The following NIBAN3 variants were observed in gnomAD, a reference collection of about 807,000 sequenced individuals.
NIBAN3 encodes the protein protein Niban 3.
In NIBAN3, 66 loss-of-function variants were observed where a neutral mutation model predicts 76.4. The ratio of observed to expected loss-of-function variants is 0.86; its 90% CI spans 0.71 to 1.06. The LOEUF (loss-of-function observed/expected upper bound fraction) is 1.06, where lower values mean the gene tolerates loss of function less well. Among genes scored for constraint, NIBAN3 ranks in the 50% least tolerant of loss-of-function variants. The probability of loss-of-function intolerance (pLI) is 0.00; values close to 1 mark genes in which losing one functional copy is unlikely to be tolerated. For synonymous variants in NIBAN3, 360 were observed against 355.2 expected (o/e 1.01, Z -0.15); for missense variants, 808 against 810.7 (o/e 1.00, Z 0.04).
upstream of NIBAN3, among the ~76,000 whole-genome samples, chr19:17,525,428 A>G (rs559117425): frequency 2.7e-3 from 416 of 152,316 alleles, 4 homozygotes; most frequent in African/African-American, 9.3e-3. Context: ...TGCCAGGCAC[A>G]AAACAGGTGA....
intron 5 of NIBAN3, among the ~76,000 whole-genome samples, chr19:17,537,744 G>A (rs1258344446): frequency 6.6e-6 from 1 of 152,050 alleles, no homozygotes; most frequent in East Asian, 1.9e-4. Flanking sequence ...TCAGGAGTTC[G>A]AGACCAGCCT....
chr19:17,535,558 G>C (rs1483035759), intron 4 of NIBAN3, among the ~76,000 whole-genome samples: 2 of 152,114 alleles, frequency 1.3e-5, no homozygotes, highest in African/African-American at 4.8e-5. Flanking sequence ...TCCCAGCCTG[G>C]CCAACATGGC....
intron 9 of NIBAN3, among the ~76,000 whole-genome samples, chr19:17,540,816 C>T (rs1416814186): frequency 6.6e-6 from 1 of 152,214 alleles, no homozygotes; most frequent in Non-Finnish European, 1.5e-5. Context: ...TCACTGCAGC[C>T]TCGACCTCCC....
intron 4 of NIBAN3, 44 bp from the exon 5 acceptor site, chr19:17,537,332 A>G (rs1469105185): frequency 1.9e-6 from 3 of 1,589,288 alleles, no homozygotes; most frequent in Non-Finnish European, 2.6e-6. Context: ...ATTTTCTCCT[A>G]GTGAATGAAC....
At chr19:17,527,156 G>A, upstream of NIBAN3, 1 of 1,487,934 alleles carries the variant, frequency 6.7e-7, no homozygotes, top group Non-Finnish European at 9.1e-7. Flanking sequence ...GAAACCACTG[G>A]CTCTGGGCAA....
chr19:17,534,664 A>G (rs548300813), intron 4 of NIBAN3, among the ~76,000 whole-genome samples: 4,531 of 151,798 alleles, frequency 0.03, 86 homozygotes, highest in Non-Finnish European at 0.046. Flanking sequence ...GGTGGCGGGC[A>G]CCTGTAGTCC....
chr19:17,543,332 G>A lies in NIBAN3; in HGVS notation c.1345G>A (p.Val449Met), dbSNP rs758503031. ...CCTCCCACAGCTCATGGCTGACGCC[G>A]TGGCCACCTTCCTGCAGCTGGCTGA... ...DLAQQLMADA[V>M]ATFLQLADQC... Residue 449 changes from valine to methionine, a missense_variant, in exon 11 of 15, where the codon GTG (valine) becomes ATG (methionine). Val to Met is a conservative substitution (Grantham distance 21, BLOSUM62 1). Transcript: ENST00000599164. The A allele has an allele frequency of 2.9e-5, 45 of 1,567,530 alleles. No individual in the cohort carries two copies. The highest frequency in any genetic ancestry group is 2.5e-4 in the Admixed American group (14 of 56,166).
intron 1 of NIBAN3, among the ~76,000 whole-genome samples, chr19:17,528,583 G>C (rs1211707371): frequency 6.6e-6 from 1 of 152,100 alleles, no homozygotes; most frequent in Non-Finnish European, 1.5e-5. Flanking sequence ...CCCAATTTGA[G>C]ACTAAGAGGG....
Position 17,539,437 on chromosome 19 carries a change from TG to T in NIBAN3, c.805del (p.Ala269ProfsTer6). The T allele has an allele frequency of 6.7e-7, 1 of 1,498,396 alleles. No homozygotes were observed. 92.8% of individuals were successfully genotyped at this position (1,498,396 alleles called of 1,614,324 possible). On this transcript the variant is annotated frameshift_variant, in exon 7 of 15. Coordinates refer to ENST00000599164, the MANE Select transcript of NIBAN3 (RefSeq NM_001321827.2). LOFTEE classifies it high-confidence loss of function. ...GCGGGGGGCAGGCCGCGCCCGCGCC[TG>T]GGCCTGGACCGAGGTATGCACGGCG... is the stretch of plus-strand genomic sequence containing the variant. Reference protein sequence around the residue: ...GLRGAGRARAWAWTELLDAVH... With the variant: ...GLRGAGRARAXAWTELLDAVH...
rs1177168440 is a variant in NIBAN3, at chr19:17,553,194, T to C, written c.*1296T>C. ...CTACTTTTCAGGAGTGTTTGCATTT[T>C]TCTTATTGATATCTAATAACTCTTT... On this transcript the variant is annotated 3_prime_UTR_variant, in exon 15 of 15. Transcript: ENST00000599164. The C allele has an allele frequency of 3.4e-6, 5 of 1,468,142 alleles. No individual in the cohort carries two copies. The East Asian group carries it at 1.1e-4, about 34-fold the overall frequency. The allele number at this position is 1,468,142 out of a possible 1,614,324, so 90.9% of individuals were successfully genotyped here.
In NIBAN3 at chr19:17,546,772, G is replaced by C; in HGVS notation, c.1641G>C (p.Gly547=). Residue 547 remains glycine (G), a synonymous_variant, in exon 13 of 15, where the codon GGG becomes GGC. Coordinates refer to ENST00000599164, the MANE Select transcript of NIBAN3 (RefSeq NM_001321827.2). ...GCATCTATGAGGACGTCATCCGGGGGTGCTTGCTGCAGAGGATTGACCAAG... is the reference window on the plus strand; with the variant it reads ...GCATCTATGAGGACGTCATCCGGGGCTGCTTGCTGCAGAGGATTGACCAAG... ...TEGIYEDVIR[G]CLLQRIDQEL... The C allele has an allele frequency of 1.2e-6, 2 of 1,602,830 alleles. No individual in the cohort carries two copies. The highest frequency in any genetic ancestry group is 2.3e-5 in the East Asian group (1 of 44,438).
At chr19:17,549,555 A>G (rs1016526927) in intron 14 of NIBAN3, 28 bp downstream of exon 14, 4 of 1,560,394 alleles carry the variant, frequency 2.6e-6, no homozygotes, top group Middle Eastern at 1.7e-4. Context: ...CTTCTGAAAC[A>G]TGCCAGTGAT....
chr19:17,540,518 A>G lies in NIBAN3; in HGVS notation c.1106A>G (p.Gln369Arg), dbSNP rs1739765025. The G allele has an allele frequency of 1.3e-6, 2 of 1,594,832 alleles. No individual in the cohort carries two copies. Among genetic ancestry groups the G allele is most frequent in the Non-Finnish European group, 1.7e-6 (2 of 1,171,004 alleles). ...SLEAVRTLLA[Q>R]GMDRLSHRLR... is the part of the protein sequence containing the mutation. Reference sequence around the variant, plus strand: ...GAGGCGGTGCGGACCCTCCTGGCTCAAGGCATGGACCGACTGTCCCACCGC... The same window carrying G: ...GAGGCGGTGCGGACCCTCCTGGCTCGAGGCATGGACCGACTGTCCCACCGC... The change falls in exon 9 of 15, where the codon CAA becomes CGA. Residue 369 changes from glutamine (Q) to arginine (R), a missense_variant. Coordinates refer to ENST00000599164, the MANE Select transcript of NIBAN3 (RefSeq NM_001321827.2).
At chr19:17,540,056 C>T (rs1168109848) in intron 8 of NIBAN3, 3 of 234,320 alleles carry the variant, frequency 1.3e-5, no homozygotes, top group East Asian at 1.6e-4. Context: ...GGGGCCTCAG[C>T]GGGGGATAGG....
At chr19:17,523,406 C>A, upstream of NIBAN3, 1 of 1,544,984 alleles carries the variant, frequency 6.5e-7, no homozygotes, top group Non-Finnish European at 8.7e-7. Context: ...CTTGTCCCGG[C>A]AGGCCACTCA....
At chr19:17,529,839 T>A (rs2075680163) in intron 1 of NIBAN3, among the ~76,000 whole-genome samples, 1 of 152,094 alleles carries the variant, frequency 6.6e-6, no homozygotes, top group South Asian at 2.1e-4. Flanking sequence ...GTGGGAGGAT[T>A]GCTTGAGGCC....
rs1336596495 is a variant in NIBAN3 at position 17,542,323 on chromosome 19, C to T, written c.1329+29C>T. 1.3e-6 allele frequency: 2 copies of T among 1,571,844 alleles called. No homozygotes were observed. The highest frequency in any genetic ancestry group is 1.8e-5 in the Admixed American group (1 of 54,232). The stretch of plus-strand genomic sequence containing the variant: ...AGGGTGAGAGGAGGCTGGGATGAGG[C>T]CAGGCTGTGAAGACAGCCTCCACTG... On this transcript the variant is annotated intron_variant, in intron 10 of 14. Transcript: ENST00000599164. This position sits in a 1 kb window ranked among gnomAD's most constrained non-coding sequence, Gnocchi z 4.8.
At chr19:17,529,508 A>T (rs10775623) in intron 1 of NIBAN3, among the ~76,000 whole-genome samples, 144,107 of 152,264 alleles carry the variant, frequency 0.95, 68,678 homozygotes, top group Middle Eastern at 1. Flanking sequence ...CAAGTGTACA[A>T]GCCTTAGGGC....
At chr19:17,537,139 C>T (rs968594161) in intron 4 of NIBAN3, among the ~76,000 whole-genome samples, 74 of 152,220 alleles carry the variant, frequency 4.9e-4, no homozygotes, top group African/African-American at 1.6e-3. Context: ...GGCTGGAAAA[C>T]AGTTCTGGGA....
Sources: gnomAD v4.1 joint callset for allele counts (sites outside exome capture counted in the v4.1 genomes callset) on GRCh38, gnomAD v4.1.1 for gene constraint, Gnocchi (gnomAD v3.1) non-coding constraint, MANE v1.5 for transcripts, NCBI Gene and HGNC (gene_info 2026-07-23, HGNC 2026-07-21) for gene names.